Variants in UCP1 observed in about 807,000 individuals in gnomAD.
The protein encoded by UCP1 is uncoupling protein 1, also known as mitochondrial brown fat uncoupling protein 1.
In UCP1, 24 loss-of-function variants were observed where a neutral mutation model predicts 26.2. The ratio of observed to expected loss-of-function variants is 0.92; its 90% CI spans 0.66 to 1.29. The LOEUF (loss-of-function observed/expected upper bound fraction) is 1.29, where lower values mean the gene tolerates loss of function less well. Among genes scored for constraint, UCP1 ranks in the 50% most tolerant of loss-of-function variants. The probability of loss-of-function intolerance (pLI) is 0.00; values close to 1 mark genes in which losing one functional copy is unlikely to be tolerated. For synonymous variants in UCP1, 164 were observed against 156.8 expected, an observed-to-expected ratio of 1.05 and a Z score of -0.34; for missense variants, 402 against 388.7, an observed-to-expected ratio of 1.03 and a Z score of -0.29.
intron 2 of UCP1, among the ~76,000 whole-genome samples, chr4:140,564,039 T>C (rs1560844383): frequency 6.6e-6 from 1 of 152,346 alleles, no homozygotes; most frequent in East Asian, 1.9e-4. Context: ...AAATGAAGAC[T>C]TTCAAGGAAC....
At chr4:140,564,305 A>G (rs530936498) in intron 2 of UCP1, among the ~76,000 whole-genome samples, 1 of 152,346 alleles carries the variant, frequency 6.6e-6, no homozygotes, top group South Asian at 2.1e-4. Flanking sequence ...GGGAACAAAA[A>G]TAAGAAGACA....
chr4:140,568,462 C>G, intron 1 of UCP1, 142 bp downstream of exon 1: 1 of 1,415,424 alleles, frequency 7.1e-7, no homozygotes, highest in East Asian at 2.5e-5. Context: ...AGCACCAGCC[C>G]TGGGACAAGG....
At position 140,568,946 on chromosome 4, in the gene UCP1, G is replaced by A. The variant is rs1363363892; in HGVS notation, c.-217C>T. The A allele has an allele frequency of 6.1e-6, 4 of 657,316 alleles. No individual in the cohort carries two copies. In the Admixed American group the frequency reaches 1.1e-4, roughly 19 times the overall value. The allele number at this position is 657,316 out of a possible 1,614,324, so 40.7% of individuals were successfully genotyped here. A position where few individuals can be genotyped will look rare whatever the true frequency, so the allele number is the denominator to read the frequency against. Reference sequence around the variant, plus strand: ...CGCGTCCCCTCCTACCCACCCTCGCGCCAGCAGGACCCTCTGCGTTCCGGT... The same window carrying A: ...CGCGTCCCCTCCTACCCACCCTCGCACCAGCAGGACCCTCTGCGTTCCGGT... On this transcript the variant is annotated 5_prime_UTR_variant, in exon 1 of 6. Coordinates refer to ENST00000262999, the MANE Select transcript of UCP1 (RefSeq NM_021833.5).
intron 5 of UCP1, among the ~76,000 whole-genome samples, chr4:140,561,426 C>T (rs554307961): frequency 3.9e-5 from 6 of 152,104 alleles, no homozygotes; most frequent in Admixed American, 1.3e-4. Context: ...AATCATAGCT[C>T]GCTGAAACCT....
chr4:140,565,454 C>A (rs537606417), intron 2 of UCP1, among the ~76,000 whole-genome samples: 94 of 152,296 alleles, frequency 6.2e-4, no homozygotes, highest in Non-Finnish European at 1.2e-3. Flanking sequence ...CTATCTGCTG[C>A]CAAAGTGATC....
chr4:140,561,604 G>T (rs1243898317), intron 5 of UCP1, among the ~76,000 whole-genome samples: 1 of 152,176 alleles, frequency 6.6e-6, no homozygotes, highest in Non-Finnish European at 1.5e-5. Flanking sequence ...CTCCCAAAGT[G>T]CTGGGATTAC....
intron 1 of UCP1, 45 bp downstream of exon 1, chr4:140,568,559 C>G (rs1410359745): frequency 6.2e-7 from 1 of 1,612,788 alleles, no homozygotes; most frequent in Non-Finnish European, 8.5e-7. Context: ...GCAACAGCGT[C>G]CCCTCTGTCC....
At chr4:140,566,501 C>G (rs940771640) in intron 2 of UCP1, among the ~76,000 whole-genome samples, 1 of 152,178 alleles carries the variant, frequency 6.6e-6, no homozygotes, top group Non-Finnish European at 1.5e-5. Flanking sequence ...TCCTCTCTTG[C>G]TACATCTATA....
Position 140,563,147 on chromosome 4 carries a change from T to G in UCP1, c.591A>C (p.Leu197=). 6.2e-7 allele frequency: 1 copy of G among 1,613,944 alleles called. No homozygotes were observed. Among genetic ancestry groups the G allele is most frequent in the Non-Finnish European group, 8.5e-7 (1 of 1,179,994 alleles). ...INCTELVTYD[L]MKEAFVKNNI... is the part of the protein sequence containing the mutation. ...TGTTTTTCACAAAGGCCTCCTTCAT[T>G]AGATCATATGTTACTAGCTCTGTAC... The change falls in exon 4 of 6, where the codon CTA becomes CTC. Residue 197 remains leucine (L), a synonymous_variant. Transcript: ENST00000262999.
intron 5 of UCP1, 133 bp downstream of exon 5, chr4:140,562,060 G>T (rs746178902): frequency 5.8e-5 from 61 of 1,054,668 alleles, no homozygotes; most frequent in Non-Finnish European, 8.6e-5. Context: ...GAAATCTGTG[G>T]CAAGGAAAAG....
At chr4:140,560,523 G>C (rs1356698393) in intron 5 of UCP1, among the ~76,000 whole-genome samples, 1 of 152,136 alleles carries the variant, frequency 6.6e-6, no homozygotes, top group Non-Finnish European at 1.5e-5. Context: ...TGGGAGGTAG[G>C]AAACTATTAG....
chr4:140,567,602 TC>T (rs1735825419), intron 2 of UCP1, among the ~76,000 whole-genome samples, 176 bp downstream of exon 2: 2 of 152,204 alleles, frequency 1.3e-5, no homozygotes, highest in Non-Finnish European at 2.9e-5. Context: ...ATCTAAAAAA[TC>T]GATTTTGCAT....
chr4:140,567,947 T>G lies in UCP1; in HGVS notation c.157A>C (p.Ile53Leu), dbSNP rs1370509379. The G allele has an allele frequency of 6.2e-7, 1 of 1,614,172 alleles. No homozygotes were observed. Among genetic ancestry groups the G allele is most frequent in the Non-Finnish European group, 8.5e-7 (1 of 1,180,042 alleles). Reference sequence around the variant, plus strand: ...GTTCCCAGGACACCTTTATACCTAATAACACTGGACGTCGGGCATTCACCT... The same window carrying G: ...GTTCCCAGGACACCTTTATACCTAAGAACACTGGACGTCGGGCATTCACCT... Reference protein sequence around the residue: ...VQGECPTSSVIRYKGVLGTIT... With the variant: ...VQGECPTSSVLRYKGVLGTIT... Residue 53 changes from isoleucine to leucine, a missense_variant, in exon 2 of 6, where the codon ATT (isoleucine) becomes CTT (leucine). By Grantham distance (5) the Ile-to-Leu change is conservative. Transcript: ENST00000262999.
chr4:140,568,933 T>G lies in UCP1; in HGVS notation c.-204A>C. ...GGGGCCGAGTCCCCGCGTCCCCTCC[T>G]ACCCACCCTCGCGCCAGCAGGACCC... On this transcript the variant is annotated 5_prime_UTR_variant, in exon 1 of 6. Transcript: ENST00000262999. The G allele has an allele frequency of 7.3e-6, 5 of 685,562 alleles. No homozygotes were observed. Among genetic ancestry groups the G allele is most frequent in the East Asian group, 5.6e-5 (2 of 35,576 alleles). The allele number at this position is 685,562 out of a possible 1,614,324, so 42.5% of individuals were successfully genotyped here. A position where few individuals can be genotyped will look rare whatever the true frequency, so the allele number is the denominator to read the frequency against.
intron 2 of UCP1, among the ~76,000 whole-genome samples, chr4:140,565,353 T>C (rs1301865180): frequency 1.3e-5 from 2 of 152,214 alleles, no homozygotes; most frequent in Non-Finnish European, 2.9e-5. Context: ...GATTGACATC[T>C]CTTTTTCCCT....
intron 2 of UCP1, among the ~76,000 whole-genome samples, chr4:140,564,583 C>G (rs1332418203): frequency 6.6e-6 from 1 of 152,200 alleles, no homozygotes; most frequent in African/African-American, 2.4e-5. Context: ...CTTACACTGT[C>G]TAGCATAAAG....
At position 140,568,665 on chromosome 4, in the gene UCP1, A is replaced by T; in HGVS notation, c.65T>A (p.Ile22Lys). 1 of 1,611,106 alleles carries T rather than the reference A, an allele frequency of 6.2e-7. No homozygotes were observed. The highest frequency in any genetic ancestry group is 8.5e-7 in the Non-Finnish European group (1 of 1,179,120). ...TLGVQLFSAG[I>K]AACLADVITF... ...GATCACGTCCGCCAAGCACGCCGCTATTCCAGCTGAGAAGAGCTGGACCCC... is the reference window on the plus strand; with the variant it reads ...GATCACGTCCGCCAAGCACGCCGCTTTTCCAGCTGAGAAGAGCTGGACCCC... The change falls in exon 1 of 6, where the codon ATA becomes AAA. Residue 22 changes from isoleucine to lysine, a missense_variant. By Grantham distance (102) the Ile-to-Lys change is moderately radical. Coordinates refer to ENST00000262999, the MANE Select transcript of UCP1 (RefSeq NM_021833.5).
At chr4:140,561,621 G>C (rs1040539876) in intron 5 of UCP1, among the ~76,000 whole-genome samples, 1 of 152,140 alleles carries the variant, frequency 6.6e-6, no homozygotes, top group African/African-American at 2.4e-5. Context: ...TTACAGGTGC[G>C]AGCCACCACG....
chr4:140,563,039 G>T, intron 4 of UCP1, 71 bp downstream of exon 4: 2 of 1,167,376 alleles, frequency 1.7e-6, no homozygotes, highest in South Asian at 1.2e-5. Context: ...TTGAGTATAA[G>T]GTGGCTGCAG....
Sources: gnomAD v4.1 joint callset for allele counts (sites outside exome capture counted in the v4.1 genomes callset) on GRCh38, gnomAD v4.1.1 for gene constraint, MANE v1.5 for transcripts, NCBI Gene and HGNC (gene_info 2026-07-23, HGNC 2026-07-21) for gene names.